Variants in ZNF521 observed in about 807,000 individuals in gnomAD.
The protein encoded by ZNF521 is LYST-interacting protein 3.
In ZNF521, 14 loss-of-function variants were observed where a neutral mutation model predicts 105.5. That is an observed-to-expected ratio of 0.13 (90% CI 0.09 to 0.21). The LOEUF is 0.21. Ranked by LOEUF, ZNF521 falls within the 10% of genes least tolerant of loss-of-function variation. ZNF521 has a pLI of 1.00. For synonymous variants in ZNF521, 635 were observed against 606.0 expected, an observed-to-expected ratio of 1.05 and a Z score of -0.70; for missense variants, 1,233 against 1,629.7, an observed-to-expected ratio of 0.76 and a Z score of 4.19.
intron 5 of ZNF521, among the ~76,000 whole-genome samples, chr18:25,147,843 A>G (rs2034973422): frequency 6.6e-6 from 1 of 152,184 alleles, no homozygotes; most frequent in Non-Finnish European, 1.5e-5. Context: ...ACTTCCAGCA[A>G]GCATTTTAAC....
At chr18:25,342,415 TTTTG>T (rs143927151) in intron 2 of ZNF521, among the ~76,000 whole-genome samples, 9 of 81,726 alleles carry the variant, frequency 1.1e-4, no homozygotes, top group South Asian at 4.2e-4. Context: ...TTTGTTTTTT[TTTTG>T]TTTGTTTGTT....
intron 5 of ZNF521, among the ~76,000 whole-genome samples, chr18:25,093,845 T>A (rs2033799145): frequency 1.3e-5 from 2 of 152,198 alleles, no homozygotes; most frequent in Non-Finnish European, 2.9e-5. Context: ...TGTTTCCTTT[T>A]TTTAAAATCC....
At chr18:25,132,746 A>G (rs571906737) in intron 5 of ZNF521, among the ~76,000 whole-genome samples, 1 of 152,310 alleles carries the variant, frequency 6.6e-6, no homozygotes, top group African/African-American at 2.4e-5. Context: ...GGTAATTAAC[A>G]TGAGAATGCC....
chr18:25,146,520 T>C (rs2034946760), intron 5 of ZNF521, among the ~76,000 whole-genome samples: 1 of 152,190 alleles, frequency 6.6e-6, no homozygotes, highest in South Asian at 2.1e-4. Context: ...GCATCTTTTA[T>C]GCCATGACAT....
chr18:25,304,761 C>T (rs999527484), intron 3 of ZNF521, among the ~76,000 whole-genome samples: 5 of 152,164 alleles, frequency 3.3e-5, no homozygotes, highest in African/African-American at 4.8e-5. Flanking sequence ...TTTGCCACTC[C>T]CTTCTTTGAA....
chr18:25,317,205 C>T (rs2145130575), intron 3 of ZNF521, among the ~76,000 whole-genome samples: 1 of 152,150 alleles, frequency 6.6e-6, no homozygotes, highest in East Asian at 1.9e-4. Context: ...GACCACAGAA[C>T]AGATTCCCTA....
intron 3 of ZNF521, among the ~76,000 whole-genome samples, chr18:25,277,539 G>A (rs1910113718): frequency 6.6e-6 from 1 of 152,156 alleles, no homozygotes; most frequent in African/African-American, 2.4e-5. Context: ...ATAAATGATT[G>A]TACTGACAGA....
intron 5 of ZNF521, among the ~76,000 whole-genome samples, chr18:25,133,406 T>C (rs1041892635): frequency 1.2e-4 from 18 of 152,160 alleles, no homozygotes; most frequent in Non-Finnish European, 2.4e-4. Flanking sequence ...TTGGCAATGA[T>C]GTAATTTTAA....
intron 5 of ZNF521, among the ~76,000 whole-genome samples, chr18:25,125,013 T>C (rs1458460158): frequency 6.6e-6 from 1 of 152,130 alleles, no homozygotes; most frequent in Non-Finnish European, 1.5e-5. Context: ...ATGAGCACAG[T>C]ATATATAAAA....
chr18:25,294,187 T>C (rs1443951198), intron 3 of ZNF521, among the ~76,000 whole-genome samples: 1 of 152,220 alleles, frequency 6.6e-6, no homozygotes, highest in Non-Finnish European at 1.5e-5. Flanking sequence ...TCACAAATGA[T>C]TTTTAAATGA....
chr18:25,344,966 T>A (rs1377899785), intron 2 of ZNF521, among the ~76,000 whole-genome samples: 1 of 152,236 alleles, frequency 6.6e-6, no homozygotes, highest in Non-Finnish European at 1.5e-5. Context: ...TAATTGATCT[T>A]AGTAGACCTA....
intron 3 of ZNF521, among the ~76,000 whole-genome samples, chr18:25,260,417 G>A (rs886685390): frequency 6.6e-6 from 1 of 152,048 alleles, no homozygotes; most frequent in African/African-American, 2.4e-5. Context: ...TATGGGTGGG[G>A]TGGTGGGTCG....
At chr18:25,173,162 A>T (rs2035477002) in intron 5 of ZNF521, among the ~76,000 whole-genome samples, 1 of 152,212 alleles carries the variant, frequency 6.6e-6, no homozygotes, top group Non-Finnish European at 1.5e-5. Flanking sequence ...TTCAATTTTT[A>T]TTAAAATATG....
intron 4 of ZNF521, among the ~76,000 whole-genome samples, chr18:25,222,113 C>G (rs980740865): frequency 5.3e-5 from 8 of 152,138 alleles, no homozygotes; most frequent in African/African-American, 9.6e-5. Flanking sequence ...ACTCTAAGCT[C>G]TTATTAATCA....
chr18:25,273,861 ATAAG>A (rs1323493551), intron 3 of ZNF521, among the ~76,000 whole-genome samples: 2 of 152,154 alleles, frequency 1.3e-5, no homozygotes, highest in African/African-American at 4.8e-5. Flanking sequence ...TGGGGTTAGG[ATAAG>A]TACAGTTTTC....
At chr18:25,215,277 T>G (rs1460037463) in intron 4 of ZNF521, among the ~76,000 whole-genome samples, 1 of 152,180 alleles carries the variant, frequency 6.6e-6, no homozygotes, top group South Asian at 2.1e-4. Context: ...GAACCAGCTA[T>G]TCAGGCTTTT....
At chr18:25,096,469 C>A (rs2144236983) in intron 5 of ZNF521, among the ~76,000 whole-genome samples, 1 of 152,274 alleles carries the variant, frequency 6.6e-6, no homozygotes, top group East Asian at 1.9e-4. Context: ...TCCAAGGTGG[C>A]AATTGGTAGT....
At chr18:25,218,912 TTA>T (rs1305894643) in intron 4 of ZNF521, among the ~76,000 whole-genome samples, 6 of 151,924 alleles carry the variant, frequency 3.9e-5, no homozygotes, top group Admixed American at 3.9e-4. Context: ...ATAGGTCCAC[TTA>T]TATGTGTATT....
chr18:25,325,775 C>A (rs940780594), intron 2 of ZNF521, among the ~76,000 whole-genome samples: 1 of 152,056 alleles, frequency 6.6e-6, no homozygotes, highest in Admixed American at 6.5e-5. Context: ...AATTTTGGAA[C>A]ACACGCACAA....
Sources: gnomAD v4.1 joint callset for allele counts (sites outside exome capture counted in the v4.1 genomes callset) on GRCh38, gnomAD v4.1.1 for gene constraint, MANE v1.5 for transcripts, NCBI Gene and HGNC (gene_info 2026-07-23, HGNC 2026-07-21) for gene names.